The following CEP63 variants were observed in gnomAD, a reference collection of about 807,000 sequenced individuals.
CEP63 encodes the protein centrosomal protein 63.
A neutral mutation model predicts 89.1 loss-of-function variants in CEP63; 84 were observed. The ratio of observed to expected loss-of-function variants is 0.94; its 90% CI spans 0.79 to 1.13. The LOEUF is 1.13. Among genes scored for constraint, CEP63 ranks in the 50% most tolerant of loss-of-function variants. The pLI, the probability that CEP63 is intolerant of heterozygous loss-of-function variation, is 0.00. For missense variants in CEP63, 838 were observed against 813.3 expected (o/e 1.03, Z -0.37); for synonymous variants, 267 against 272.5 (o/e 0.98, Z 0.20).
At chr3:134,525,561 C>T (rs991113909) in intron 3 of CEP63, among the ~76,000 whole-genome samples, 6 of 152,122 alleles carry the variant, frequency 3.9e-5, no homozygotes, top group African/African-American at 1.4e-4. Context: ...ATTTGATTCT[C>T]TCATGATGAT....
At position 134,550,232 on chromosome 3, in the gene CEP63, A is replaced by G; in HGVS notation, c.1352A>G (p.Lys451Arg). The change falls in exon 11 of 15, where the codon AAG (lysine) becomes AGG (arginine). Residue 451 changes from lysine (K) to arginine (R), a missense_variant. Physicochemically the swap from Lys to Arg is conservative, Grantham distance 26 (BLOSUM62 2). Transcript: ENST00000675561. ...MEKRLRAEMQ[K>R]AEDKAVEHKE... ...AAGCGACTCAGAGCAGAGATGCAAA[A>G]GGCAGAAGACAAAGCAGTAGAGCAT... The G allele has an allele frequency of 6.2e-7, 1 of 1,614,198 alleles. No homozygotes were observed. The highest frequency in any genetic ancestry group is 1.3e-5 in the African/African-American group (1 of 75,078).
At chr3:134,550,006 A>G (rs1384910535) in intron 10 of CEP63, 57 bp from the exon 11 acceptor site, 2 of 1,202,466 alleles carry the variant, frequency 1.7e-6, no homozygotes, top group Admixed American at 1.7e-5. Context: ...GTAACATATT[A>G]TTCTATCTAA....
At chr3:134,682,951 G>A in the CEP63 span, among the ~76,000 whole-genome samples, 1 of 152,162 alleles carries the variant, frequency 6.6e-6, no homozygotes, top group Non-Finnish European at 1.5e-5. Flanking sequence ...CGTTTAGTAG[G>A]GACCCTAGAT....
chr3:134,604,400 C>T, the CEP63 span: 2 of 1,614,060 alleles, frequency 1.2e-6, no homozygotes. Flanking sequence ...AGCCCATGCT[C>T]TTGCTTGCCA....
the CEP63 span, among the ~76,000 whole-genome samples, chr3:134,762,314 C>T: frequency 6.6e-6 from 1 of 152,146 alleles, no homozygotes; most frequent in East Asian, 1.9e-4. Context: ...CTCCCCTTCA[C>T]TGTGGAGATG....
At chr3:134,714,136 A>G in the CEP63 span, among the ~76,000 whole-genome samples, 1 of 152,176 alleles carries the variant, frequency 6.6e-6, no homozygotes, top group African/African-American at 2.4e-5. Context: ...AGTTATGGAG[A>G]AAATACATTA....
At chr3:134,704,784 T>C in the CEP63 span, among the ~76,000 whole-genome samples, 2 of 152,218 alleles carry the variant, frequency 1.3e-5, no homozygotes, top group African/African-American at 4.8e-5. Context: ...GACTTGCTCT[T>C]GGGCTGGGAA....
chr3:134,725,602 A>AT, the CEP63 span, among the ~76,000 whole-genome samples: 3 of 152,260 alleles, frequency 2.0e-5, no homozygotes, highest in African/African-American at 4.8e-5. Context: ...TTACATACAT[A>AT]TTGTGTGGGC....
At chr3:134,752,907 T>C in the CEP63 span, among the ~76,000 whole-genome samples, 1 of 152,026 alleles carries the variant, frequency 6.6e-6, no homozygotes, top group Non-Finnish European at 1.5e-5. Flanking sequence ...TCTGCCCCAC[T>C]CTCTGCCTAC....
chr3:134,781,568 G>A, the CEP63 span, among the ~76,000 whole-genome samples: 3 of 151,136 alleles, frequency 2.0e-5, no homozygotes. Context: ...CTCACTACCT[G>A]GGTGATGGAT....
Position 134,532,326 on chromosome 3 carries a change from A to C in CEP63, c.318+386A>C, listed in dbSNP as rs140906665. ...TTTTGGGATAAATAAGACAAGTAAG[A>C]AAATTCTGTCCATTAACTCAATTTT... On this transcript the variant is annotated intron_variant, in intron 4 of 14. Transcript: ENST00000675561. Among the ~76,000 whole-genome samples, 1,515 of 152,358 alleles carry C rather than the reference A, an allele frequency of 9.9e-3. 13 individuals carry two copies. The highest frequency in any genetic ancestry group is 0.044 in the Middle Eastern group (13 of 294).
At chr3:134,738,366 G>T in the CEP63 span, among the ~76,000 whole-genome samples, 9 of 151,920 alleles carry the variant, frequency 5.9e-5, no homozygotes, top group Non-Finnish European at 1.3e-4. Flanking sequence ...AATTGTGCTG[G>T]TATAAACCTG....
intron 6 of CEP63, among the ~76,000 whole-genome samples, chr3:134,538,756 CA>C: frequency 6.6e-6 from 1 of 151,108 alleles, no homozygotes. Context: ...TTCAGATTGA[CA>C]AAAAAGCAAA....
the CEP63 span, among the ~76,000 whole-genome samples, chr3:134,658,446 C>T: frequency 1.3e-5 from 2 of 152,168 alleles, no homozygotes; most frequent in African/African-American, 4.8e-5. Flanking sequence ...ATGGTCATAG[C>T]TTTGATTACT....
the CEP63 span, among the ~76,000 whole-genome samples, chr3:134,598,199 AG>A: frequency 6.6e-6 from 1 of 152,226 alleles, no homozygotes; most frequent in South Asian, 2.1e-4. Flanking sequence ...GGCTGTTTTC[AG>A]GGTGTAAAAC....
the CEP63 span, among the ~76,000 whole-genome samples, chr3:134,719,362 A>G: frequency 6.6e-6 from 1 of 152,290 alleles, no homozygotes; most frequent in African/African-American, 2.4e-5. Flanking sequence ...GCATTTTAAC[A>G]CAATCCCCAG....
chr3:134,639,054 T>TC, the CEP63 span, among the ~76,000 whole-genome samples: 1 of 149,604 alleles, frequency 6.7e-6, no homozygotes, highest in Admixed American at 6.7e-5. Flanking sequence ...AGCCTTTTTT[T>TC]TTTTTCTACT....
the CEP63 span, among the ~76,000 whole-genome samples, chr3:134,648,126 T>C: frequency 6.6e-6 from 1 of 152,204 alleles, no homozygotes; most frequent in Non-Finnish European, 1.5e-5. Context: ...TGGCACAGCA[T>C]GGGGATACGT....
At chr3:134,777,326 A>G in the CEP63 span, among the ~76,000 whole-genome samples, 4 of 152,206 alleles carry the variant, frequency 2.6e-5, no homozygotes, top group Non-Finnish European at 5.9e-5. Context: ...GAAAAGCAGG[A>G]TAAATTGGCC....
Sources: allele counts gnomAD v4.1 joint callset (sites outside exome capture counted in the v4.1 genomes callset), GRCh38; gene constraint gnomAD v4.1.1; transcripts MANE v1.5; gene names NCBI Gene and HGNC (gene_info 2026-07-23, HGNC 2026-07-21).